Variants in HS3ST4 observed in about 807,000 individuals in gnomAD.
HS3ST4 encodes the protein heparan sulfate glucosamine 3-O-sulfotransferase 4.
Under a neutral mutation model 29.2 loss-of-function variants are expected in HS3ST4, and 17 were observed. The observed-to-expected ratio is 0.58, with a 90% CI of 0.40 to 0.87. HS3ST4 has a LOEUF of 0.87. Among genes scored for constraint, HS3ST4 ranks in the 40% least tolerant of loss-of-function variants. The pLI is 0.00. For synonymous variants in HS3ST4, 314 were observed against 285.7 expected (o/e 1.10, Z -1.00); for missense variants, 627 against 634.5 (o/e 0.99, Z 0.13).
intron 1 of HS3ST4, among the ~76,000 whole-genome samples, chr16:26,031,463 A>G (rs1969530153): frequency 6.6e-6 from 1 of 152,160 alleles, no homozygotes; most frequent in Non-Finnish European, 1.5e-5. Context: ...TATTCCAGCC[A>G]GGGAGGGAGC....
intron 1 of HS3ST4, among the ~76,000 whole-genome samples, chr16:25,714,399 A>G (rs1254324545): frequency 6.6e-6 from 1 of 152,196 alleles, no homozygotes; most frequent in African/African-American, 2.4e-5. Flanking sequence ...AGTTATCCAG[A>G]GTGAACACGG....
At chr16:26,013,361 A>C (rs1044282405) in intron 1 of HS3ST4, among the ~76,000 whole-genome samples, 1 of 152,132 alleles carries the variant, frequency 6.6e-6, no homozygotes, top group Non-Finnish European at 1.5e-5. Flanking sequence ...TAATTTCCTC[A>C]TCATCTATAA....
At chr16:26,028,084 C>T (rs1969493421) in intron 1 of HS3ST4, among the ~76,000 whole-genome samples, 1 of 151,936 alleles carries the variant, frequency 6.6e-6, no homozygotes, top group South Asian at 2.1e-4. Context: ...ACCAGCCTGA[C>T]CAACATGGTG....
At chr16:26,010,778 T>C (rs1481449845) in intron 1 of HS3ST4, among the ~76,000 whole-genome samples, 8 of 152,216 alleles carry the variant, frequency 5.3e-5, no homozygotes, top group Admixed American at 1.3e-4. Flanking sequence ...CATGTCTCAA[T>C]TGAGCATTGA....
intron 1 of HS3ST4, among the ~76,000 whole-genome samples, chr16:26,034,079 A>G (rs1969559640): frequency 6.6e-6 from 1 of 152,202 alleles, no homozygotes; most frequent in Non-Finnish European, 1.5e-5. Flanking sequence ...GTACTGCAAT[A>G]AATGAGAGAG....
At chr16:25,953,579 C>G (rs1453149027) in intron 1 of HS3ST4, among the ~76,000 whole-genome samples, 1 of 152,190 alleles carries the variant, frequency 6.6e-6, no homozygotes, top group Non-Finnish European at 1.5e-5. Context: ...TCATTGCTTT[C>G]TCTGTCCTCC....
At chr16:25,877,734 G>C (rs1967847627) in intron 1 of HS3ST4, among the ~76,000 whole-genome samples, 1 of 100,836 alleles carries the variant, frequency 9.9e-6, no homozygotes, top group Non-Finnish European at 2.5e-5. Flanking sequence ...CACCCAGTTT[G>C]TGGTTTTTTG....
At chr16:25,895,468 A>G (rs1288118915) in intron 1 of HS3ST4, among the ~76,000 whole-genome samples, 1 of 151,960 alleles carries the variant, frequency 6.6e-6, no homozygotes, top group African/African-American at 2.4e-5. Flanking sequence ...GGCTGGTCAC[A>G]GGAGAGTTGT....
At chr16:25,750,530 C>CT (rs1477946573) in intron 1 of HS3ST4, among the ~76,000 whole-genome samples, 2 of 152,174 alleles carry the variant, frequency 1.3e-5, no homozygotes, top group Non-Finnish European at 2.9e-5. Flanking sequence ...ACAGCTGTTA[C>CT]TTACTCCATC....
At chr16:25,887,572 G>A (rs1422907538) in intron 1 of HS3ST4, among the ~76,000 whole-genome samples, 2 of 152,148 alleles carry the variant, frequency 1.3e-5, no homozygotes, top group Non-Finnish European at 2.9e-5. Context: ...TCTGCAACTG[G>A]GAGCCGCCTT....
intron 1 of HS3ST4, among the ~76,000 whole-genome samples, chr16:25,932,953 A>G (rs1347188738): frequency 6.6e-6 from 1 of 152,138 alleles, no homozygotes; most frequent in Admixed American, 6.5e-5. Flanking sequence ...ATCATTTTCA[A>G]TTCCTCCCTC....
At chr16:26,106,627 G>A (rs1345879570) in intron 1 of HS3ST4, among the ~76,000 whole-genome samples, 3 of 152,148 alleles carry the variant, frequency 2.0e-5, no homozygotes, top group African/African-American at 7.2e-5. Context: ...ATACCTTTGG[G>A]CAGTTTTGAG....
At chr16:26,036,747 T>C (rs1045207294) in intron 1 of HS3ST4, among the ~76,000 whole-genome samples, 2 of 152,214 alleles carry the variant, frequency 1.3e-5, no homozygotes, top group African/African-American at 2.4e-5. Flanking sequence ...ATGTGGCATA[T>C]AAAATTCTTT....
intron 1 of HS3ST4, among the ~76,000 whole-genome samples, chr16:25,709,564 G>A (rs955440891): frequency 6.6e-5 from 10 of 152,120 alleles, no homozygotes; most frequent in African/African-American, 2.4e-4. Context: ...CGGCTTGCAT[G>A]GAGATAGAGG....
intron 1 of HS3ST4, among the ~76,000 whole-genome samples, chr16:25,983,398 T>G (rs1024303335): frequency 6.6e-5 from 10 of 152,228 alleles, no homozygotes; most frequent in African/African-American, 2.2e-4. Flanking sequence ...TGGGATGACG[T>G]GCATATGACC....
At chr16:25,695,407 G>A (rs1287321568) in intron 1 of HS3ST4, among the ~76,000 whole-genome samples, 7 of 152,188 alleles carry the variant, frequency 4.6e-5, no homozygotes, top group Admixed American at 2.0e-4. Flanking sequence ...CTGCTTTTGG[G>A]AAGACCCGTT....
intron 1 of HS3ST4, among the ~76,000 whole-genome samples, chr16:25,831,396 TACACACACACACACAC>T (rs58851793): frequency 1.3e-4 from 16 of 126,138 alleles, no homozygotes; most frequent in South Asian, 2.9e-4. Flanking sequence ...ACCCCGTCTC[TACACACACACACACAC>T]ACACACACAC....
At chr16:26,012,932 A>T (rs1420695967) in intron 1 of HS3ST4, among the ~76,000 whole-genome samples, 1 of 152,184 alleles carries the variant, frequency 6.6e-6, no homozygotes, top group African/African-American at 2.4e-5. Flanking sequence ...TGGGAGGCCG[A>T]GGCGGGCAGA....
chr16:25,915,994 T>A (rs58109786), intron 1 of HS3ST4, among the ~76,000 whole-genome samples: 1 of 151,988 alleles, frequency 6.6e-6, no homozygotes, highest in African/African-American at 2.4e-5. Flanking sequence ...ATGATCAGTA[T>A]CAGTTTTTAG....
Sources: gnomAD v4.1 joint callset for allele counts (sites outside exome capture counted in the v4.1 genomes callset) on GRCh38, gnomAD v4.1.1 for gene constraint, MANE v1.5 for transcripts, NCBI Gene and HGNC (gene_info 2026-07-23, HGNC 2026-07-21) for gene names.